The following RBFOX1 variants were observed in gnomAD, a reference collection of about 807,000 sequenced individuals.
RBFOX1 encodes the protein RNA binding protein fox-1 homolog 1.
Under a neutral mutation model 57.7 loss-of-function variants are expected in RBFOX1, and 8 were observed. The ratio of observed to expected loss-of-function variants is 0.14; its 90% CI spans 0.08 to 0.25. The LOEUF is 0.25. Among genes scored for constraint, RBFOX1 ranks in the 10% least tolerant of loss-of-function variants. The pLI is 1.00. For missense variants in RBFOX1, 611 were observed against 548.5 expected (o/e 1.11, Z -1.14); for synonymous variants, 326 against 222.4 (o/e 1.47, Z -4.15).
intron 3 of RBFOX1, among the ~76,000 whole-genome samples, chr16:6,706,657 C>T (rs748364423): frequency 3.3e-5 from 5 of 151,234 alleles, no homozygotes; most frequent in Non-Finnish European, 5.9e-5. Flanking sequence ...AACACTGTTA[C>T]ACTTTTGAGA....
chr16:6,349,976 C>T (rs536182789), intron 2 of RBFOX1, among the ~76,000 whole-genome samples: 4 of 152,110 alleles, frequency 2.6e-5, no homozygotes, highest in Admixed American at 2.0e-4. Context: ...GTGCGTGTCT[C>T]TCCTTGGCAA....
rs1263880296 is a variant in RBFOX1 at position 7,664,527 on chromosome 16, TG to T, written c.891-401del. ...CTTTACAATCCGATTTTTAAATAGA[TG>T]TTTTGGGTTTTTATTCTGTGGGGTA... On this transcript the variant is annotated intron_variant, in intron 12 of 15. Coordinates refer to ENST00000550418, the MANE Select transcript of RBFOX1 (RefSeq NM_018723.4). Among the ~76,000 whole-genome samples the T allele has an allele frequency of 4.6e-5, 7 of 152,334 alleles. No homozygotes were observed. The East Asian group carries it at 1.3e-3, about 29-fold the overall frequency.
intron 1 of RBFOX1, among the ~76,000 whole-genome samples, chr16:5,454,339 T>A (rs1216916966): frequency 1.3e-5 from 2 of 152,240 alleles, no homozygotes; most frequent in Non-Finnish European, 2.9e-5. Flanking sequence ...CTGATTAAAC[T>A]CTTAGAGTCT....
intron 2 of RBFOX1, among the ~76,000 whole-genome samples, chr16:6,531,213 C>A (rs573371204): frequency 6.6e-6 from 1 of 152,212 alleles, no homozygotes; most frequent in Non-Finnish European, 1.5e-5. Flanking sequence ...TTCTCCAGCG[C>A]TCAGGGACAT....
At chr16:6,399,512 C>T (rs1205321078) in intron 2 of RBFOX1, among the ~76,000 whole-genome samples, 1 of 152,146 alleles carries the variant, frequency 6.6e-6, no homozygotes, top group African/African-American at 2.4e-5. Flanking sequence ...CCATCTGAGA[C>T]CACCTCAGCC....
At chr16:7,199,385 G>A (rs2087684854) in intron 4 of RBFOX1, among the ~76,000 whole-genome samples, 1 of 152,114 alleles carries the variant, frequency 6.6e-6, no homozygotes, top group African/African-American at 2.4e-5. Context: ...AAAGTAGTAG[G>A]TGAGAAATGT....
At chr16:6,349,229 C>G (rs1207517755) in intron 2 of RBFOX1, among the ~76,000 whole-genome samples, 4 of 152,124 alleles carry the variant, frequency 2.6e-5, no homozygotes, top group African/African-American at 9.7e-5. Flanking sequence ...CTTCAGAACT[C>G]AAAGCAGATA....
intron 2 of RBFOX1, chr16:6,483,267 T>G: frequency 2.3e-6 from 3 of 1,299,048 alleles, no homozygotes; most frequent in Non-Finnish European, 2.9e-6. Flanking sequence ...CGCGCCCGGG[T>G]GTTGATTGCC....
intron 4 of RBFOX1, among the ~76,000 whole-genome samples, chr16:5,961,004 C>T (rs567039762): frequency 1.1e-4 from 17 of 152,266 alleles, no homozygotes; most frequent in African/African-American, 2.2e-4. Flanking sequence ...CTACCTTCTC[C>T]GGACTTTTCA....
rs141022505 is a variant in RBFOX1, at chr16:5,633,944, C to T, written c.318+34983C>T. On this transcript the variant is annotated intron_variant, in intron 3 of 19. Transcript: ENST00000641259. ...AACAAACATACGAAAAAATGCTCAA[C>T]ATCCCTAATTATCACGATGCCCATT... 5.3e-3 allele frequency among the ~76,000 whole-genome samples: 808 copies of T among 152,122 alleles called. 25 individuals carry two copies. Among genetic ancestry groups the T allele is most frequent in the Admixed American group, 0.043 (662 of 15,270 alleles).
chr16:6,961,145 C>CTCACACACACACACACACACACA (rs142889433), intron 3 of RBFOX1, among the ~76,000 whole-genome samples: 4 of 143,772 alleles, frequency 2.8e-5, no homozygotes, highest in East Asian at 4.1e-4. Flanking sequence ...TCACACACAC[C>CTCACACACACACACACACACACA]CACACAGACA....
At chr16:6,955,788 C>T (rs1430012229) in intron 3 of RBFOX1, among the ~76,000 whole-genome samples, 1 of 152,080 alleles carries the variant, frequency 6.6e-6, no homozygotes, top group African/African-American at 2.4e-5. Context: ...TCACTGCAAC[C>T]TCCATTTCCC....
intron 3 of RBFOX1, among the ~76,000 whole-genome samples, chr16:7,025,304 T>G (rs1231623107): frequency 6.6e-6 from 1 of 152,118 alleles, no homozygotes; most frequent in Non-Finnish European, 1.5e-5. Context: ...AGTATAGCAG[T>G]GAGGACGACC....
chr16:5,661,460 C>T (rs1053327669), intron 3 of RBFOX1, among the ~76,000 whole-genome samples: 15 of 152,262 alleles, frequency 9.9e-5, no homozygotes, highest in African/African-American at 3.6e-4. Flanking sequence ...ATTAATAACT[C>T]CTTCATATTA....
At chr16:5,568,991 C>T (rs2046172669) in intron 2 of RBFOX1, among the ~76,000 whole-genome samples, 1 of 150,666 alleles carries the variant, frequency 6.6e-6, no homozygotes, top group Admixed American at 6.6e-5. Flanking sequence ...CAGGCACATG[C>T]CACCACGCCC....
At chr16:7,597,793 A>T (rs2094785500) in intron 9 of RBFOX1, among the ~76,000 whole-genome samples, 1 of 152,236 alleles carries the variant, frequency 6.6e-6, no homozygotes, top group South Asian at 2.1e-4. Flanking sequence ...CTCGTTGATT[A>T]CTAATCATTC....
intron 4 of RBFOX1, among the ~76,000 whole-genome samples, chr16:7,439,507 C>T (rs945716055): frequency 3.3e-5 from 5 of 152,262 alleles, no homozygotes; most frequent in Admixed American, 3.3e-4. Flanking sequence ...TAGTTCCTCC[C>T]ATCTCCAGGC....
chr16:6,664,639 G>T (rs745425263), intron 3 of RBFOX1, among the ~76,000 whole-genome samples: 6 of 152,134 alleles, frequency 3.9e-5, no homozygotes, highest in Non-Finnish European at 5.9e-5. Context: ...TGAGACTGGG[G>T]ACCAGGCAAT....
chr16:7,677,078 G>A (rs1203454940), intron 14 of RBFOX1, among the ~76,000 whole-genome samples: 1 of 150,252 alleles, frequency 6.7e-6, no homozygotes, highest in Non-Finnish European at 1.5e-5. Context: ...TGGTCCTTGT[G>A]TAGTTTTTCA....
Sources: gnomAD v4.1 joint callset for allele counts (sites outside exome capture counted in the v4.1 genomes callset) on GRCh38, gnomAD v4.1.1 for gene constraint, MANE v1.5 for transcripts, NCBI Gene and HGNC (gene_info 2026-07-23, HGNC 2026-07-21) for gene names.